Variants in AFG2A observed in about 807,000 individuals in gnomAD.
AFG2A encodes ATPase family gene 2 protein homolog A.
At chr4:123,266,385 G>A in the AFG2A span, among the ~76,000 whole-genome samples, 1 of 151,844 alleles carries the variant, frequency 6.6e-6, no homozygotes, top group Non-Finnish European at 1.5e-5. Context: ...ATCCTAGTAA[G>A]CATATAACAA....
At chr4:123,231,799 A>T in the AFG2A span, among the ~76,000 whole-genome samples, 1 of 151,890 alleles carries the variant, frequency 6.6e-6, no homozygotes, top group East Asian at 1.9e-4. Flanking sequence ...TTTCATTATT[A>T]TTGTGTCTCA....
the AFG2A span, among the ~76,000 whole-genome samples, chr4:123,007,588 GTGTGTGTGTGTGTGTGTGTGTATATA>G: frequency 1.9e-3 from 16 of 8,622 alleles, no homozygotes; most frequent in Non-Finnish European, 2.6e-3. Context: ...GTGTGTGTGT[GTGTGTGTGTGTGTGTGTGTGTATATA>G]TATATATATA....
At chr4:123,210,638 A>G in the AFG2A span, among the ~76,000 whole-genome samples, 23 of 152,338 alleles carry the variant, frequency 1.5e-4, no homozygotes, top group African/African-American at 5.3e-4. Context: ...TAGTGCTACA[A>G]TAAACATGGG....
the AFG2A span, chr4:123,028,251 G>A: frequency 6.2e-7 from 1 of 1,614,136 alleles, no homozygotes. Flanking sequence ...CTGTGGAATG[G>A]CCCTTAAAAC....
the AFG2A span, among the ~76,000 whole-genome samples, chr4:123,303,207 C>T: frequency 1.3e-5 from 2 of 152,044 alleles, no homozygotes; most frequent in Non-Finnish European, 2.9e-5. Flanking sequence ...AATAAAAGCT[C>T]AAGATTTTTT....
At chr4:123,227,039 G>C in the AFG2A span, among the ~76,000 whole-genome samples, 1 of 152,284 alleles carries the variant, frequency 6.6e-6, no homozygotes, top group Admixed American at 6.5e-5. Context: ...TTGTATTTCT[G>C]TGGGATCGGT....
At chr4:122,956,501 A>G in the AFG2A span, among the ~76,000 whole-genome samples, 3 of 149,640 alleles carry the variant, frequency 2.0e-5, no homozygotes, top group Admixed American at 2.0e-4. Context: ...TTAGCGTATG[A>G]TACTAAGGAG....
chr4:123,076,413 T>G, the AFG2A span, among the ~76,000 whole-genome samples: 3 of 152,186 alleles, frequency 2.0e-5, no homozygotes, highest in Non-Finnish European at 2.9e-5. Context: ...AGCTTAGATA[T>G]GATATTCTTT....
the AFG2A span, chr4:122,934,764 C>T: frequency 6.6e-7 from 1 of 1,525,590 alleles, no homozygotes; most frequent in Non-Finnish European, 8.8e-7. Context: ...TTTATTGCAC[C>T]CAAAAATGTT....
the AFG2A span, among the ~76,000 whole-genome samples, chr4:123,107,942 G>T: frequency 6.6e-6 from 1 of 152,316 alleles, no homozygotes; most frequent in African/African-American, 2.4e-5. Flanking sequence ...AGTCACTTCT[G>T]AGCCTGCAGG....
the AFG2A span, among the ~76,000 whole-genome samples, chr4:123,220,176 T>C: frequency 6.6e-6 from 1 of 152,052 alleles, no homozygotes; most frequent in Non-Finnish European, 1.5e-5. Context: ...GCAGAAAATC[T>C]TAAATCTATA....
At chr4:122,940,928 A>G in the AFG2A span, among the ~76,000 whole-genome samples, 1 of 151,322 alleles carries the variant, frequency 6.6e-6, no homozygotes, top group African/African-American at 2.5e-5. Context: ...GGTTTGTCCA[A>G]AGATCAGATA....
the AFG2A span, among the ~76,000 whole-genome samples, chr4:123,152,901 A>T: frequency 6.6e-6 from 1 of 152,228 alleles, no homozygotes; most frequent in South Asian, 2.1e-4. Context: ...AACTTGGGAG[A>T]CTGAGATTTC....
At chr4:123,004,461 A>G in the AFG2A span, among the ~76,000 whole-genome samples, 1 of 151,928 alleles carries the variant, frequency 6.6e-6, no homozygotes, top group Admixed American at 6.5e-5. Flanking sequence ...GCTCCTCCCC[A>G]CTATTTTGAA....
At chr4:123,313,842 G>T in the AFG2A span, 1 of 1,494,474 alleles carries the variant, frequency 6.7e-7, no homozygotes, top group Non-Finnish European at 9.0e-7. Context: ...AAAGAGTACT[G>T]ATTGTTTTCT....
chr4:123,122,803 T>C, the AFG2A span, among the ~76,000 whole-genome samples: 9 of 151,514 alleles, frequency 5.9e-5, no homozygotes, highest in Non-Finnish European at 1.0e-4. Flanking sequence ...TGACAGCATA[T>C]TAGGTTGTGG....
the AFG2A span, among the ~76,000 whole-genome samples, chr4:123,140,881 A>C: frequency 4.6e-5 from 7 of 152,334 alleles, no homozygotes; most frequent in East Asian, 1.3e-3. Context: ...ACAAAAGTTA[A>C]CATTGTCATG....
chr4:123,174,505 A>G, the AFG2A span, among the ~76,000 whole-genome samples: 9 of 152,214 alleles, frequency 5.9e-5, no homozygotes, highest in African/African-American at 1.9e-4. Context: ...TTTGAAATGT[A>G]TCAGGAAGAG....
At chr4:123,161,630 A>C in the AFG2A span, among the ~76,000 whole-genome samples, 1 of 152,114 alleles carries the variant, frequency 6.6e-6, no homozygotes, top group African/African-American at 2.4e-5. Context: ...AGTTGAAATC[A>C]CATTATGGAA....
Sources: gnomAD v4.1 joint callset for allele counts (sites outside exome capture counted in the v4.1 genomes callset) on GRCh38, gnomAD v4.1.1 for gene constraint, MANE v1.5 for transcripts, NCBI Gene and HGNC (gene_info 2026-07-23, HGNC 2026-07-21) for gene names.